Variants in SEZ6L2 observed in about 807,000 individuals in gnomAD.
The protein encoded by SEZ6L2 is seizure related 6 homolog like 2.
In SEZ6L2, 44 loss-of-function variants were observed where a neutral mutation model predicts 97.0. That is an observed-to-expected ratio of 0.45 (90% CI 0.36 to 0.58). The LOEUF (loss-of-function observed/expected upper bound fraction) is 0.58. Among genes scored for constraint, SEZ6L2 ranks in the 20% least tolerant of loss-of-function variants. The pLI is 0.00. For missense variants in SEZ6L2, 1,086 were observed against 1,233.3 expected (o/e 0.88, Z 1.79); for synonymous variants, 543 against 546.1 (o/e 0.99, Z 0.08).
chr16:29,884,278 C>T (rs2068086963), intron 8 of SEZ6L2, among the ~76,000 whole-genome samples: 1 of 152,096 alleles, frequency 6.6e-6, no homozygotes, highest in African/African-American at 2.4e-5. Flanking sequence ...TATGAGTGTT[C>T]TCTCTGATGA....
In SEZ6L2 at chr16:29,885,688, C is replaced by A; in HGVS notation, c.1270G>T (p.Asp424Tyr). The A allele has an allele frequency of 3.1e-6, 5 of 1,613,908 alleles. No individual in the cohort carries two copies. Among genetic ancestry groups the A allele is most frequent in the Middle Eastern group, 1.7e-4 (1 of 6,054 alleles). The change falls in exon 8 of 18, where the codon GAT (aspartate) becomes TAT (tyrosine). Residue 424 changes from aspartate to tyrosine, a missense_variant. This residue lies in a region of SEZ6L2 where 776 missense variants were observed against 794.7 expected (regional missense o/e 0.98). Transcript: ENST00000617533. ...CTGATGAGACCCCGCTCGGGGACAT[C>A]GTCCATGTCCGAATCATAGATCACG... ...SPVIYDSDMD[D>Y]VPERGLISDA...
Position 29,874,550 on chromosome 16 carries a change from G to GTT in SEZ6L2, c.2105-823_2105-822dup, listed in dbSNP as rs541095994. 9.5e-4 allele frequency among the ~76,000 whole-genome samples: 31 copies of GTT among 32,566 alleles called. 12 individuals are homozygous for GTT. The highest frequency in any genetic ancestry group is 1.1e-3 in the Non-Finnish European group (16 of 14,234). 21.4% of individuals were successfully genotyped at this position (32,566 alleles called of 152,430 possible). On this transcript the variant is annotated intron_variant, in intron 12 of 17. Coordinates refer to ENST00000617533, the MANE Select transcript of SEZ6L2 (RefSeq NM_001243332.2). Reference sequence around the variant, plus strand: ...AATATAATTCTTTGTGTGTGTGCTTGTTTTTTTTTTTTTTTTTTTTTTTTT... The same window carrying GTT: ...AATATAATTCTTTGTGTGTGTGCTTGTTTTTTTTTTTTTTTTTTTTTTTTTTT...
At position 29,872,546 on chromosome 16, in the gene SEZ6L2, C is replaced by T. The variant is rs1467311524; in HGVS notation, c.2528-20G>A. 16 of 1,611,694 alleles carry T rather than the reference C, an allele frequency of 9.9e-6. No homozygotes were observed. The Admixed American group carries it at 2.5e-4, about 25-fold the overall frequency. ...GGGTCACTACAGGAGGAGGAGAGGC[C>T]GGTGAGCTGTGGCTGGGCCCGGTCC... On this transcript the variant is annotated intron_variant, in intron 15 of 17. Transcript: ENST00000617533.
At chr16:29,885,891 T>C in intron 7 of SEZ6L2, 142 bp from the exon 8 acceptor site, 1 of 681,292 alleles carries the variant, frequency 1.5e-6, no homozygotes, top group South Asian at 2.7e-5. Flanking sequence ...CCTTACACAT[T>C]CTATCTCATT....
rs1036620048 is a variant in SEZ6L2, at chr16:29,888,719, A to G, written c.860T>C (p.Leu287Pro). Reference protein sequence around the residue: ...GGFRIHYQAYLLSCGFPPRPA... With the variant: ...GGFRIHYQAYPLSCGFPPRPA... ...CCGGGGAGGGAAGCCACAGCTCAGG[A>G]GGTAGGCTGCACCAGACAGACAGCG... Residue 287 changes from leucine (L) to proline (P), a missense_variant, in exon 6 of 18, where the codon CTC becomes CCC. By Grantham distance (98) the Leu-to-Pro change is moderately conservative. Transcript: ENST00000617533. 6.2e-7 allele frequency: 1 copy of G among 1,611,808 alleles called. No individual in the cohort carries two copies. Among genetic ancestry groups the G allele is most frequent in the Non-Finnish European group, 8.5e-7 (1 of 1,179,202 alleles).
At chr16:29,890,973 G>A (rs996963931) in intron 5 of SEZ6L2, among the ~76,000 whole-genome samples, 1 of 150,334 alleles carries the variant, frequency 6.7e-6, no homozygotes, top group Non-Finnish European at 1.5e-5. Flanking sequence ...ACGGAGTATT[G>A]CTCTGTCACC....
chr16:29,897,238 A>G (rs2068422158), intron 2 of SEZ6L2, 117 bp from the exon 3 acceptor site: 1 of 908,522 alleles, frequency 1.1e-6, no homozygotes, highest in Non-Finnish European at 1.6e-6. Flanking sequence ...CCTCCCGCAC[A>G]AGGTACAGCA....
rs762677834 is a variant in SEZ6L2 at position 29,888,738 on chromosome 16, G to A, written c.854-13C>T. On this transcript the variant is annotated splice_polypyrimidine_tract_variant and intron_variant, in intron 5 of 17. Transcript: ENST00000617533. ...CTCAGGAGGTAGGCTGCACCAGACA[G>A]ACAGCGGGTAGCAGGGCTCACTTTC... 1.2e-6 allele frequency: 2 copies of A among 1,604,190 alleles called. No individual in the cohort carries two copies. Among genetic ancestry groups the A allele is most frequent in the South Asian group, 1.1e-5 (1 of 90,344 alleles).
At chr16:29,886,499 C>T (rs2068143331) in intron 7 of SEZ6L2, among the ~76,000 whole-genome samples, 2 of 151,284 alleles carry the variant, frequency 1.3e-5, no homozygotes. Context: ...CACGGTGAAA[C>T]CCCAACTCTA....
chr16:29,871,339 G>T lies in SEZ6L2; in HGVS notation c.*360C>A, dbSNP rs954884098. 1 of 362,036 alleles carries T rather than the reference G, an allele frequency of 2.8e-6. No individual in the cohort carries two copies. The highest frequency in any genetic ancestry group is 3.6e-5 in the Admixed American group (1 of 27,402). The allele number at this position is 362,036 out of a possible 1,614,324, so 22.4% of individuals were successfully genotyped here. ...TAGGGCCAGGGCATCTGGGAGGGGG[G>T]CACCTTCGTGGCCAAGGGAACAGTA... is the stretch of plus-strand genomic sequence containing the variant. On this transcript the variant is annotated 3_prime_UTR_variant, in exon 18 of 18. Transcript: ENST00000617533.
At chr16:29,897,647 C>G (rs183865254) in intron 2 of SEZ6L2, among the ~76,000 whole-genome samples, 13 of 152,312 alleles carry the variant, frequency 8.5e-5, no homozygotes, top group Admixed American at 8.5e-4. Flanking sequence ...CCTAATCATT[C>G]TGTCTCTGTC....
rs752710924 is a variant in SEZ6L2 at position 29,873,707 on chromosome 16, G to A, written c.2127C>T (p.Gly709=). 7.5e-6 allele frequency: 12 copies of A among 1,597,798 alleles called. No individual in the cohort carries two copies. The highest frequency in any genetic ancestry group is 5.6e-5 in the South Asian group (5 of 89,098). ...CQKIMTCADP[G]EIANGHRTAS... is the part of the protein sequence containing the mutation. ...CGGTGCGGTGCCCGTTGGCAATCTCGCCAGGGTCAGCACAAGTCATGACTG... is the reference window on the plus strand; with the variant it reads ...CGGTGCGGTGCCCGTTGGCAATCTCACCAGGGTCAGCACAAGTCATGACTG... The change falls in exon 13 of 18, where the codon GGC becomes GGT. Residue 709 remains glycine, a synonymous_variant. Coordinates refer to ENST00000617533, the MANE Select transcript of SEZ6L2 (RefSeq NM_001243332.2). This position sits in a 1 kb window ranked among gnomAD's most constrained non-coding sequence, Gnocchi z 4.3.
chr16:29,887,160 A>G (rs992968226), intron 7 of SEZ6L2, among the ~76,000 whole-genome samples: 2 of 150,524 alleles, frequency 1.3e-5, no homozygotes, highest in African/African-American at 4.9e-5. Context: ...CAGCCTGGGC[A>G]ACAAGAGTGA....
chr16:29,879,295 G>A (rs1476795692), intron 9 of SEZ6L2, among the ~76,000 whole-genome samples: 2 of 151,110 alleles, frequency 1.3e-5, no homozygotes, highest in East Asian at 2.0e-4. Flanking sequence ...CTGCGATCTC[G>A]GCTCACCGCA....
chr16:29,886,553 C>T lies in SEZ6L2; in HGVS notation c.1209-804G>A, dbSNP rs770292022. ...AAAATTAGCCGGACGTGGTGGCACA[C>T]GCTTGTAGTCCCAGCTACTCGGGAG... is the stretch of plus-strand genomic sequence containing the variant. On this transcript the variant is annotated intron_variant, in intron 7 of 17. Coordinates refer to ENST00000617533, the MANE Select transcript of SEZ6L2 (RefSeq NM_001243332.2). Among the ~76,000 whole-genome samples the T allele has an allele frequency of 8.8e-5, 13 of 148,500 alleles. No individual in the cohort carries two copies. In the South Asian group the frequency reaches 1.3e-3, roughly 15 times the overall value.
At chr16:29,882,200 G>A (rs556175966) in intron 8 of SEZ6L2, among the ~76,000 whole-genome samples, 2 of 150,732 alleles carry the variant, frequency 1.3e-5, no homozygotes, top group Non-Finnish European at 3.0e-5. Context: ...CAAACTCCTG[G>A]GCTCAAGTGA....
At chr16:29,880,299 A>G (rs1220957430) in intron 8 of SEZ6L2, among the ~76,000 whole-genome samples, 1 of 150,336 alleles carries the variant, frequency 6.7e-6, no homozygotes, top group East Asian at 2.0e-4. Context: ...GGTAGCTGGG[A>G]TTGCAGGCGT....
rs149293940 is a variant in SEZ6L2, at chr16:29,875,661, C to CTTTTT, written c.2104+1094_2104+1095insAAAAA. 2.2e-3 allele frequency among the ~76,000 whole-genome samples: 251 copies of CTTTTT among 112,670 alleles called. 7 individuals carry two copies. The highest frequency in any genetic ancestry group is 3.9e-3 in the African/African-American group (101 of 26,210). 73.9% of individuals were successfully genotyped at this position (112,670 alleles called of 152,430 possible). A position where few individuals can be genotyped will look rare whatever the true frequency, so the allele number is the denominator to read the frequency against. ...CAATTTTCTTTTTCTTTCTTTCTTTCTTTCTTTTTTTTTTTTTTGAGATGG... is the reference window on the plus strand; with the variant it reads ...CAATTTTCTTTTTCTTTCTTTCTTTCTTTTTTTTCTTTTTTTTTTTTTTGAGATGG... On this transcript the variant is annotated intron_variant, in intron 12 of 17. Transcript: ENST00000617533.
chr16:29,899,290 G>A lies in SEZ6L2; in HGVS notation c.-271C>T. The A allele has an allele frequency of 2.3e-6, 1 of 443,472 alleles. No homozygotes were observed. Among genetic ancestry groups the A allele is most frequent in the East Asian group, 5.0e-5 (1 of 20,184 alleles). 27.5% of individuals were successfully genotyped at this position (443,472 alleles called of 1,614,324 possible). A position where few individuals can be genotyped will look rare whatever the true frequency, so the allele number is the denominator to read the frequency against. ...GGAGGGGGCGCGGCTCCGGCTGCAG[G>A]GGGTGGGGCCGAGAGGGCCGAAGGG... On this transcript the variant is annotated 5_prime_UTR_variant, in exon 1 of 18. Coordinates refer to ENST00000617533, the MANE Select transcript of SEZ6L2 (RefSeq NM_001243332.2).
Sources: gnomAD v4.1 joint callset for allele counts (sites outside exome capture counted in the v4.1 genomes callset) on GRCh38, gnomAD v4.1.1 for gene constraint, gnomAD v4.1.1 regional missense constraint, Gnocchi (gnomAD v3.1) non-coding constraint, MANE v1.5 for transcripts, NCBI Gene and HGNC (gene_info 2026-07-23, HGNC 2026-07-21) for gene names.